The following PSD3 variants were observed in gnomAD, a reference collection of about 807,000 sequenced individuals.
PSD3 encodes the protein PH and SEC7 domain-containing protein 3.
A neutral mutation model predicts 105.5 loss-of-function variants in PSD3; 49 were observed. The observed-to-expected ratio is 0.46, with a 90% CI of 0.37 to 0.59. The LOEUF (loss-of-function observed/expected upper bound fraction) is 0.59, where lower values mean the gene tolerates loss of function less well. Among genes scored for constraint, PSD3 ranks in the 20% least tolerant of loss-of-function variants. The pLI is 0.00. For synonymous variants in PSD3, 557 were observed against 457.8 expected, an observed-to-expected ratio of 1.22 and a Z score of -2.77; for missense variants, 1,561 against 1,263.8, an observed-to-expected ratio of 1.24 and a Z score of -3.57.
At chr8:18,555,316 G>T (rs930013400) in intron 15 of PSD3, among the ~76,000 whole-genome samples, 3 of 151,932 alleles carry the variant, frequency 2.0e-5, no homozygotes, top group African/African-American at 7.3e-5. Context: ...CAAGCCTGAG[G>T]AGGAAATCAG....
intron 1 of PSD3, among the ~76,000 whole-genome samples, chr8:19,074,596 T>TCTG: frequency 7.0e-5 from 2 of 28,640 alleles, no homozygotes; most frequent in Non-Finnish European, 1.5e-4. Context: ...TATATACATA[T>TCTG]ATATATATAT....
chr8:18,790,242 A>T (rs1033641163), intron 8 of PSD3, among the ~76,000 whole-genome samples: 3 of 151,844 alleles, frequency 2.0e-5, no homozygotes, highest in Admixed American at 1.3e-4. Context: ...ATAGTAAATT[A>T]TATTCTCAAT....
intron 6 of PSD3, among the ~76,000 whole-genome samples, chr8:18,802,854 A>T (rs1488026943): frequency 6.6e-6 from 1 of 152,246 alleles, no homozygotes; most frequent in Non-Finnish European, 1.5e-5. Flanking sequence ...AGTGAGAATC[A>T]GTGAGTTTTA....
intron 8 of PSD3, among the ~76,000 whole-genome samples, chr8:18,793,019 T>C (rs1406869950): frequency 6.6e-6 from 1 of 152,158 alleles, no homozygotes; most frequent in Non-Finnish European, 1.5e-5. Context: ...GTTCATATGC[T>C]TTGTAGGGAC....
chr8:18,780,397 A>C (rs984888337), intron 8 of PSD3, among the ~76,000 whole-genome samples: 1 of 149,986 alleles, frequency 6.7e-6, no homozygotes, highest in Non-Finnish European at 1.5e-5. Flanking sequence ...TTAAGGGGGG[A>C]ATTTAAACTG....
At chr8:18,730,753 AG>A (rs1338664744) in intron 9 of PSD3, among the ~76,000 whole-genome samples, 1 of 152,212 alleles carries the variant, frequency 6.6e-6, no homozygotes, top group African/African-American at 2.4e-5. Flanking sequence ...TCCTTTGGGA[AG>A]CCTTGTCTTA....
At chr8:18,900,403 G>A (rs1429727366) in intron 2 of PSD3, among the ~76,000 whole-genome samples, 2 of 152,030 alleles carry the variant, frequency 1.3e-5, no homozygotes, top group African/African-American at 2.4e-5. Flanking sequence ...TTCTTACAAC[G>A]GTACTTACAC....
At chr8:18,734,546 C>T (rs886643583) in intron 9 of PSD3, 21 of 152,134 alleles carry the variant, frequency 1.4e-4, no homozygotes, top group African/African-American at 4.8e-4. Context: ...GTCCTAGGTT[C>T]TCCATTTCAT....
At chr8:18,805,152 C>T (rs1357455871) in intron 4 of PSD3, among the ~76,000 whole-genome samples, 8 of 152,276 alleles carry the variant, frequency 5.3e-5, no homozygotes, top group African/African-American at 9.6e-5. Context: ...GGACTCCATA[C>T]GGCTTTCACT....
intron 6 of PSD3, among the ~76,000 whole-genome samples, chr8:18,803,892 G>A (rs1028171211): frequency 6.6e-6 from 1 of 151,944 alleles, no homozygotes; most frequent in African/African-American, 2.4e-5. Flanking sequence ...TGTTTTTAAT[G>A]CCACTCATTG....
chr8:18,905,008 T>C (rs533879826), intron 2 of PSD3, among the ~76,000 whole-genome samples: 2 of 152,202 alleles, frequency 1.3e-5, no homozygotes, highest in South Asian at 4.1e-4. Flanking sequence ...GTTTTTCTTT[T>C]AAAATATAGC....
At chr8:18,894,300 A>G (rs1157803094) in intron 2 of PSD3, among the ~76,000 whole-genome samples, 1 of 152,200 alleles carries the variant, frequency 6.6e-6, no homozygotes, top group Admixed American at 6.5e-5. Context: ...GGTTTTTGTA[A>G]GATTAAAATG....
chr8:18,604,978 T>C (rs1381219287), intron 11 of PSD3, among the ~76,000 whole-genome samples: 1 of 152,226 alleles, frequency 6.6e-6, no homozygotes, highest in East Asian at 1.9e-4. Flanking sequence ...AGAAGCCTGC[T>C]GCAGTGGTGG....
At chr8:18,557,656 T>A (rs550215352) in intron 14 of PSD3, among the ~76,000 whole-genome samples, 1 of 152,258 alleles carries the variant, frequency 6.6e-6, no homozygotes, top group Admixed American at 6.5e-5. Context: ...AAATGCCAAC[T>A]ATAACAAAAC....
chr8:18,856,259 G>T (rs1214656243), intron 4 of PSD3, among the ~76,000 whole-genome samples: 7 of 152,108 alleles, frequency 4.6e-5, no homozygotes, highest in Admixed American at 4.6e-4. Flanking sequence ...GGCTCTCTGG[G>T]CTCTGCACTA....
chr8:18,865,644 T>G (rs1411200317), intron 4 of PSD3, among the ~76,000 whole-genome samples: 1 of 152,066 alleles, frequency 6.6e-6, no homozygotes, highest in African/African-American at 2.4e-5. Flanking sequence ...CATGGTAGGA[T>G]GACCACCAAT....
At chr8:18,986,701 C>A (rs1360174045) in intron 1 of PSD3, among the ~76,000 whole-genome samples, 1 of 152,062 alleles carries the variant, frequency 6.6e-6, no homozygotes, top group South Asian at 2.1e-4. Flanking sequence ...TCGCTGAATG[C>A]CCCTAAAGTA....
chr8:18,610,735 T>C (rs7013632), intron 11 of PSD3, among the ~76,000 whole-genome samples: 42,352 of 152,112 alleles, frequency 0.28, 6,276 homozygotes, highest in South Asian at 0.46. Context: ...AATATTCTAT[T>C]CAAAGTGTTC....
chr8:18,806,567 G>A (rs1334779608), intron 4 of PSD3, among the ~76,000 whole-genome samples: 3 of 152,312 alleles, frequency 2.0e-5, no homozygotes, highest in African/African-American at 7.2e-5. Context: ...CTAAACCAAG[G>A]GCGGTCAGAA....
Sources: allele counts gnomAD v4.1 joint callset (sites outside exome capture counted in the v4.1 genomes callset), GRCh38; gene constraint gnomAD v4.1.1; transcripts MANE v1.5; gene names NCBI Gene and HGNC (gene_info 2026-07-23, HGNC 2026-07-21).